NRXN3: variants seen among roughly 807,000 people sequenced by gnomAD.
NRXN3 encodes neurexin III.
Under a neutral mutation model 137.6 loss-of-function variants are expected in NRXN3, and 32 were observed. That is an observed-to-expected ratio of 0.23 (90% CI 0.18 to 0.31). The LOEUF (loss-of-function observed/expected upper bound fraction) is 0.31. Ranked by LOEUF, NRXN3 falls within the 10% of genes least tolerant of loss-of-function variation. The pLI, the probability that NRXN3 is intolerant of heterozygous loss-of-function variation, is 1.00. For missense variants in NRXN3, 1,574 were observed against 2,062.5 expected, an observed-to-expected ratio of 0.76 and a Z score of 4.59; for synonymous variants, 798 against 784.5, an observed-to-expected ratio of 1.02 and a Z score of -0.29.
At chr14:79,550,056 T>A (rs970463143) in intron 16 of NRXN3, among the ~76,000 whole-genome samples, 23 of 151,826 alleles carry the variant, frequency 1.5e-4, no homozygotes, top group Non-Finnish European at 3.2e-4. Context: ...TGCAACCTCC[T>A]CCTCCCAGGT....
At chr14:79,757,993 A>G (rs1255244573) in intron 19 of NRXN3, among the ~76,000 whole-genome samples, 1 of 152,166 alleles carries the variant, frequency 6.6e-6, no homozygotes, top group African/African-American at 2.4e-5. Flanking sequence ...TCCAATAAAT[A>G]TACATTATCC....
Position 78,700,428 on chromosome 14 carries a change from C to G in NRXN3, c.1222-8789C>G, listed in dbSNP as rs564243397. Among the ~76,000 whole-genome samples, 6 of 152,234 alleles carry G rather than the reference C, an allele frequency of 3.9e-5. No individual in the cohort carries two copies. The East Asian group carries it at 1.2e-3, about 29-fold the overall frequency. ...AAATATGTCTATTGATGATGAATGC[C>G]ATCTGCTGGGAAAGGAGGGTAGAGG... On this transcript the variant is annotated intron_variant, in intron 6 of 20. Coordinates refer to ENST00000335750, the MANE Select transcript of NRXN3 (RefSeq NM_001330195.2).
chr14:78,419,626 C>T (rs932367116), intron 4 of NRXN3, among the ~76,000 whole-genome samples: 1 of 152,286 alleles, frequency 6.6e-6, no homozygotes, highest in East Asian at 1.9e-4. Flanking sequence ...CTTTCATCAT[C>T]TTCAAATGCA....
At chr14:78,949,336 A>C (rs1041189985) in intron 10 of NRXN3, among the ~76,000 whole-genome samples, 1 of 152,136 alleles carries the variant, frequency 6.6e-6, no homozygotes. Flanking sequence ...ATTTACTACT[A>C]TATGGAATGC....
chr14:78,189,014 T>G (rs190231477), intron 1 of NRXN3, among the ~76,000 whole-genome samples: 2 of 152,244 alleles, frequency 1.3e-5, no homozygotes. Context: ...CCTGCCCCAA[T>G]CTGCTCCTCC....
At chr14:79,695,940 T>C (rs2098733940) in intron 18 of NRXN3, among the ~76,000 whole-genome samples, 2 of 152,030 alleles carry the variant, frequency 1.3e-5, no homozygotes, top group East Asian at 1.9e-4. Context: ...TCATTTTCAC[T>C]ATAACAAAGT....
intron 15 of NRXN3, among the ~76,000 whole-genome samples, chr14:79,276,709 TAAAAAAA>T (rs757712972): frequency 8.2e-6 from 1 of 122,028 alleles, no homozygotes; most frequent in Non-Finnish European, 1.8e-5. Flanking sequence ...CAATGCCAAT[TAAAAAAA>T]AAAAAAAAAA....
At chr14:79,648,770 G>A (rs1465056400) in intron 16 of NRXN3, among the ~76,000 whole-genome samples, 2 of 152,108 alleles carry the variant, frequency 1.3e-5, no homozygotes, top group African/African-American at 4.8e-5. Context: ...GATGTTCTGA[G>A]CACTTGTTTC....
chr14:78,407,419 A>G (rs1393846205), intron 4 of NRXN3, among the ~76,000 whole-genome samples: 1 of 152,100 alleles, frequency 6.6e-6, no homozygotes, highest in Non-Finnish European at 1.5e-5. Flanking sequence ...GAATTATTTT[A>G]TAGTCAAGCT....
At chr14:78,386,029 A>AT (rs5809883) in intron 4 of NRXN3, among the ~76,000 whole-genome samples, 57 of 150,430 alleles carry the variant, frequency 3.8e-4, no homozygotes, top group African/African-American at 1.2e-3. Flanking sequence ...AAGGTATTAG[A>AT]TTTTTTTTTT....
chr14:78,325,458 C>T (rs866743224), intron 4 of NRXN3, among the ~76,000 whole-genome samples: 6 of 150,674 alleles, frequency 4.0e-5, no homozygotes, highest in Admixed American at 1.3e-4. Flanking sequence ...ATAGTCCTTA[C>T]TTTGGGAATT....
intron 17 of NRXN3, among the ~76,000 whole-genome samples, chr14:79,672,854 A>C (rs867825798): frequency 1.3e-5 from 2 of 152,180 alleles, no homozygotes; most frequent in South Asian, 2.1e-4. Flanking sequence ...CAGTCTCTTC[A>C]ATTTAAATTT....
chr14:78,743,336 A>G (rs549602813), intron 8 of NRXN3, among the ~76,000 whole-genome samples: 1 of 152,340 alleles, frequency 6.6e-6, no homozygotes, highest in East Asian at 1.9e-4. Flanking sequence ...TAATTAATGT[A>G]AAGTTTTTGA....
At chr14:78,456,476 A>C (rs2094704119) in intron 4 of NRXN3, among the ~76,000 whole-genome samples, 1 of 152,174 alleles carries the variant, frequency 6.6e-6, no homozygotes, top group Admixed American at 6.5e-5. Context: ...TTGCAACACT[A>C]TTTTTGACTT....
chr14:79,594,769 T>C (rs1272817077), intron 16 of NRXN3, among the ~76,000 whole-genome samples: 1 of 152,134 alleles, frequency 6.6e-6, no homozygotes, highest in East Asian at 1.9e-4. Context: ...AATTCAGATT[T>C]CAGTCCTCGG....
intron 15 of NRXN3, among the ~76,000 whole-genome samples, chr14:79,387,273 C>T (rs2094660921): frequency 1.3e-5 from 2 of 151,998 alleles, no homozygotes; most frequent in African/African-American, 2.4e-5. Flanking sequence ...ACAAACAACC[C>T]CATCAAAAAG....
chr14:79,658,194 A>G (rs991687502), intron 16 of NRXN3, among the ~76,000 whole-genome samples: 46 of 152,182 alleles, frequency 3.0e-4, no homozygotes, highest in African/African-American at 1.0e-3. Context: ...CTATTTTTCC[A>G]TAAGTCTCTT....
chr14:78,680,050 T>G (rs2098057631), intron 6 of NRXN3, among the ~76,000 whole-genome samples: 1 of 152,094 alleles, frequency 6.6e-6, no homozygotes, highest in African/African-American at 2.4e-5. Flanking sequence ...TTACATATAA[T>G]TACATATTTT....
chr14:78,957,994 A>G (rs1034193608), intron 11 of NRXN3, among the ~76,000 whole-genome samples: 10 of 152,188 alleles, frequency 6.6e-5, no homozygotes, highest in African/African-American at 2.4e-4. Context: ...GCTCCACACA[A>G]TCAATAAGTA....
Sources: gnomAD v4.1 joint callset for allele counts (sites outside exome capture counted in the v4.1 genomes callset) on GRCh38, gnomAD v4.1.1 for gene constraint, MANE v1.5 for transcripts, NCBI Gene and HGNC (gene_info 2026-07-23, HGNC 2026-07-21) for gene names.